Variants in PLEKHG5 observed in about 807,000 individuals in gnomAD.
The protein encoded by PLEKHG5 is pleckstrin homology and RhoGEF domain containing G5.
Under a neutral mutation model 103.8 loss-of-function variants are expected in PLEKHG5, and 52 were observed. That is an observed-to-expected ratio of 0.50 (90% CI 0.40 to 0.63). The LOEUF is 0.63. PLEKHG5 is among the 30% of genes least tolerant of loss of function. PLEKHG5 has a pLI of 0.00. For synonymous variants in PLEKHG5, 592 were observed against 575.5 expected (o/e 1.03, Z -0.41); for missense variants, 1,205 against 1,347.6 (o/e 0.89, Z 1.66).
rs1315817273 is a variant in PLEKHG5, at chr1:6,468,040, G to A, written c.2796C>T (p.Ala932=). Residue 932 remains alanine, a synonymous_variant, in exon 20 of 21, where the codon GCC becomes GCT. Coordinates refer to ENST00000377728, the MANE Select transcript of PLEKHG5 (RefSeq NM_020631.6). ...GCCCAGGACCGCTGCCAGGGCTAGG[G>A]GCCCCTCGGCAATCCCAGCTGGGCC... The part of the protein sequence containing the change: ...EAGPSWDCRG[A]PSPGSGPGLV... The A allele has an allele frequency of 1.9e-6, 3 of 1,558,880 alleles. No individual in the cohort carries two copies. The highest frequency in any genetic ancestry group is 1.7e-4 in the Middle Eastern group (1 of 5,742).
At chr1:6,504,912 T>C (rs1638262902) in intron 1 of PLEKHG5, among the ~76,000 whole-genome samples, 1 of 152,076 alleles carries the variant, frequency 6.6e-6, no homozygotes, top group South Asian at 2.1e-4. Flanking sequence ...GTCTGCGGGC[T>C]CCCTCTTGCC....
Position 6,468,301 on chromosome 1 carries a change from C to T in PLEKHG5, c.2535G>A (p.Glu845=). The change falls in exon 20 of 21, where the codon GAG becomes GAA. Residue 845 remains glutamate (E), a synonymous_variant. Coordinates refer to ENST00000377728, the MANE Select transcript of PLEKHG5 (RefSeq NM_020631.6). ...GTGGAGGGGAAGGAACTCGTGGGGACTCTGGGGCCCGAGGCACTAGCTCTG... is the reference window on the plus strand; with the variant it reads ...GTGGAGGGGAAGGAACTCGTGGGGATTCTGGGGCCCGAGGCACTAGCTCTG... ...PMAELVPRAP[E]SPRVPSPPPS... is the part of the protein sequence containing the mutation. 3 of 1,609,664 alleles carry T rather than the reference C, an allele frequency of 1.9e-6. No individual in the cohort carries two copies. The highest frequency in any genetic ancestry group is 2.5e-6 in the Non-Finnish European group (3 of 1,178,466).
intron 1 of PLEKHG5, among the ~76,000 whole-genome samples, chr1:6,504,623 G>A (rs1638253972): frequency 6.7e-6 from 1 of 148,366 alleles, no homozygotes; most frequent in African/African-American, 2.5e-5. Context: ...ATGCTGGAGT[G>A]CAGTGGCACA....
Position 6,490,349 on chromosome 1 carries a change from A to G in PLEKHG5, c.-88+1288T>C, listed in dbSNP as rs970398065. On this transcript the variant is annotated intron_variant, in intron 1 of 20. Transcript: ENST00000377728. The surrounding 1 kb of genome is among the most constrained non-coding windows in gnomAD (Gnocchi z 8.0). ...CCCACAGGCCTGGCACTACGTGGGA[A>G]TCTCGAATCCGGGTTCTGTCCATCG... is the stretch of plus-strand genomic sequence containing the variant. The G allele has an allele frequency of 1.9e-5, 12 of 631,140 alleles. No individual in the cohort carries two copies. The African/African-American group carries it at 2.4e-4, about 13-fold the overall frequency. The allele number at this position is 631,140 out of a possible 1,614,324, so 39.1% of individuals were successfully genotyped here.
Position 6,472,628 on chromosome 1 carries a change from G to A in PLEKHG5, c.985-6C>T, listed in dbSNP as rs1371350296. ...CACTGCCGCCGGGTCAGCTTCTAGA[G>A]GGAGGGCAGGATGGGTCATTCACGA... On this transcript the variant is annotated splice_region_variant and splice_polypyrimidine_tract_variant and intron_variant, in intron 9 of 20. Transcript: ENST00000377728. 2.5e-6 allele frequency: 4 copies of A among 1,607,796 alleles called. No individual in the cohort carries two copies. The highest frequency in any genetic ancestry group is 2.6e-6 in the Non-Finnish European group (3 of 1,175,902).
intron 1 of PLEKHG5, among the ~76,000 whole-genome samples, chr1:6,519,037 T>C (rs1366340190): frequency 6.6e-6 from 1 of 152,098 alleles, no homozygotes; most frequent in African/African-American, 2.4e-5. Flanking sequence ...AGAGACGGGG[T>C]TTCACCGTGT....
upstream of PLEKHG5, among the ~76,000 whole-genome samples, chr1:6,501,364 G>T (rs1645295264): frequency 6.6e-6 from 1 of 152,200 alleles, no homozygotes; most frequent in Non-Finnish European, 1.5e-5. This position sits in a 1 kb window ranked among gnomAD's most constrained non-coding sequence, Gnocchi z 4.3. Flanking sequence ...TCAAGGCCCA[G>T]ATTGAAGGCT....
intron 1 of PLEKHG5, among the ~76,000 whole-genome samples, chr1:6,481,060 G>C (rs528580409): frequency 6.6e-6 from 1 of 152,060 alleles, no homozygotes; most frequent in African/African-American, 2.4e-5. Context: ...GCTCATAAGC[G>C]TGCCACTGCC....
At chr1:6,500,940 T>C (rs112965658), upstream of PLEKHG5, among the ~76,000 whole-genome samples, 4 of 152,318 alleles carry the variant, frequency 2.6e-5, no homozygotes, top group East Asian at 7.7e-4. Flanking sequence ...GTCCTGAACA[T>C]GATCTCTACC....
chr1:6,500,344 G>T (rs1255807627), upstream of PLEKHG5, among the ~76,000 whole-genome samples: 1 of 152,254 alleles, frequency 6.6e-6, no homozygotes, highest in Non-Finnish European at 1.5e-5. Context: ...GCAGGAGAAG[G>T]CAGCTTTGTG....
chr1:6,473,353 G>C lies in PLEKHG5; in HGVS notation c.693C>G (p.Gly231=). The part of the protein sequence containing the change: ...PTPSSCSLPS[G]SSGSTNTGDS... ...CGCCAGTGTTGGTGCTGCCACTGCTGCCGCTGGGCAGAGAGCAGCTGGAGG... is the reference window on the plus strand; with the variant it reads ...CGCCAGTGTTGGTGCTGCCACTGCTCCCGCTGGGCAGAGAGCAGCTGGAGG... The change falls in exon 8 of 21, where the codon GGC becomes GGG. Residue 231 remains glycine (G), a synonymous_variant. Coordinates refer to ENST00000377728, the MANE Select transcript of PLEKHG5 (RefSeq NM_020631.6). The C allele has an allele frequency of 1.9e-6, 3 of 1,552,254 alleles. No homozygotes were observed. The highest frequency in any genetic ancestry group is 2.6e-6 in the Non-Finnish European group (3 of 1,148,334).
intron 1 of PLEKHG5, among the ~76,000 whole-genome samples, chr1:6,484,516 A>G (rs1353887563): frequency 1.3e-5 from 2 of 152,168 alleles, no homozygotes; most frequent in Non-Finnish European, 2.9e-5. Context: ...AGCCCAACTG[A>G]GAAGCTGGGG....
chr1:6,495,218 C>G (rs1193821293), upstream of PLEKHG5, among the ~76,000 whole-genome samples: 1 of 152,242 alleles, frequency 6.6e-6, no homozygotes, highest in Non-Finnish European at 1.5e-5. Flanking sequence ...AAAGAGGCAA[C>G]CAGCCAACAC....
At position 6,470,627 on chromosome 1, in the gene PLEKHG5, C is replaced by T. The variant is rs1464358180; in HGVS notation, c.1559G>A (p.Arg520His). 3 of 1,582,638 alleles carry T rather than the reference C, an allele frequency of 1.9e-6. No homozygotes were observed. Among genetic ancestry groups the T allele is most frequent in the East Asian group, 2.3e-5 (1 of 43,124 alleles). Residue 520 changes from arginine (R) to histidine (H), a missense_variant, in exon 15 of 21, where the codon CGC becomes CAC. By Grantham distance (29) the Arg-to-His change is conservative (BLOSUM62 0). Coordinates refer to ENST00000377728, the MANE Select transcript of PLEKHG5 (RefSeq NM_020631.6). ...AVVAMIGSVERFIHHVNACMR... is the reference protein window; with the variant it reads ...AVVAMIGSVEHFIHHVNACMR... ...GCACGCGTTCACGTGGTGGATGAAGCGCTCCACGGAGCCGATCTAGGGGCA... is the reference window on the plus strand; with the variant it reads ...GCACGCGTTCACGTGGTGGATGAAGTGCTCCACGGAGCCGATCTAGGGGCA...
At chr1:6,517,165 G>A (rs1638649427) in intron 1 of PLEKHG5, among the ~76,000 whole-genome samples, 2 of 151,350 alleles carry the variant, frequency 1.3e-5, no homozygotes, top group South Asian at 4.2e-4. Context: ...AAATTAGCCA[G>A]GTGTGGTGGT....
At chr1:6,471,847 C>T in intron 10 of PLEKHG5, 39 bp from the exon 11 acceptor site, 2 of 1,569,872 alleles carry the variant, frequency 1.3e-6, no homozygotes, top group Admixed American at 1.8e-5. Context: ...GGTCGGGAGG[C>T]TGTCTCAGCC....
chr1:6,518,056 C>T (rs1443874685), intron 1 of PLEKHG5, among the ~76,000 whole-genome samples: 1 of 151,948 alleles, frequency 6.6e-6, no homozygotes, highest in East Asian at 2.0e-4. Context: ...CCTCAGCCTC[C>T]CGAGTAGCTG....
chr1:6,472,904 T>A, intron 9 of PLEKHG5, 82 bp downstream of exon 9: 1 of 1,350,608 alleles, frequency 7.4e-7, no homozygotes, highest in Non-Finnish European at 1.1e-6. Flanking sequence ...GGGCGTCCCA[T>A]GGAACATCTG....
intron 1 of PLEKHG5, among the ~76,000 whole-genome samples, chr1:6,513,050 G>A (rs1201378479): frequency 6.6e-6 from 1 of 152,164 alleles, no homozygotes; most frequent in Non-Finnish European, 1.5e-5. Flanking sequence ...CTGGGGCCCC[G>A]CCCACCCACT....
Sources: gnomAD v4.1 joint callset for allele counts (sites outside exome capture counted in the v4.1 genomes callset) on GRCh38, gnomAD v4.1.1 for gene constraint, Gnocchi (gnomAD v3.1) non-coding constraint, MANE v1.5 for transcripts, NCBI Gene and HGNC (gene_info 2026-07-23, HGNC 2026-07-21) for gene names.